The following PAFAH1B2 variants were observed in gnomAD, a reference collection of about 807,000 sequenced individuals.
PAFAH1B2 encodes the protein platelet activating factor acetylhydrolase 1b catalytic subunit 2, also known as platelet-activating factor acetylhydrolase IB subunit alpha2.
In PAFAH1B2, 8 loss-of-function variants were observed where a neutral mutation model predicts 28.0. That is an observed-to-expected ratio of 0.29 (90% CI 0.17 to 0.52). The LOEUF (loss-of-function observed/expected upper bound fraction) is 0.52. PAFAH1B2 is among the 20% of genes least tolerant of loss of function. PAFAH1B2 has a pLI of 0.97. For synonymous variants in PAFAH1B2, 104 were observed against 103.2 expected (o/e 1.01, Z -0.05); for missense variants, 190 against 282.6 (o/e 0.67, Z 2.35).
downstream of PAFAH1B2, chr11:117,171,761 C>T (rs1293814501): frequency 4.6e-6 from 7 of 1,532,050 alleles, no homozygotes; most frequent in African/African-American, 1.4e-5. Flanking sequence ...GTTGGTATGC[C>T]GGTATGATGT....
chr11:117,167,918 A>G lies in PAFAH1B2; in HGVS notation c.*219A>G. The G allele has an allele frequency of 4.3e-6, 5 of 1,173,108 alleles. No homozygotes were observed. Among genetic ancestry groups the G allele is most frequent in the Non-Finnish European group, 5.3e-6 (5 of 949,876 alleles). The allele number at this position is 1,173,108 out of a possible 1,614,324, so 72.7% of individuals were successfully genotyped here. The stretch of plus-strand genomic sequence containing the variant: ...TTAGCCAAGGAAGATTGTTGTTTAA[A>G]TTCATTTGAAACCAGAAGGGGACTT... On this transcript the variant is annotated 3_prime_UTR_variant, in exon 6 of 6. Transcript: ENST00000527958.
At chr11:117,171,532 G>C (rs766323177), downstream of PAFAH1B2, 1 of 570,684 alleles carries the variant, frequency 1.8e-6, no homozygotes, top group Non-Finnish European at 3.2e-6. Flanking sequence ...CGAGACTCTT[G>C]TCTCGGAAAA....
chr11:117,145,457 G>T (rs578025257), intron 1 of PAFAH1B2, among the ~76,000 whole-genome samples: 38 of 151,746 alleles, frequency 2.5e-4, no homozygotes, highest in Non-Finnish European at 5.1e-4. Context: ...CGGGGGTAAA[G>T]GTGTGGAGAA....
At chr11:117,144,468 G>A (rs1021801427) in intron 1 of PAFAH1B2, 50 bp downstream of exon 1, 6 of 272,556 alleles carry the variant, frequency 2.2e-5, no homozygotes, top group Non-Finnish European at 4.0e-5. Flanking sequence ...GGCGGGGGTC[G>A]GAAGGGGCTG....
chr11:117,175,418 C>A, downstream of PAFAH1B2: 1 of 1,068,598 alleles, frequency 9.4e-7, no homozygotes. Flanking sequence ...GTTCTGCAGA[C>A]CTGGGAACAG....
At chr11:117,154,970 G>A (rs1179145895) in intron 2 of PAFAH1B2, among the ~76,000 whole-genome samples, 2 of 152,034 alleles carry the variant, frequency 1.3e-5, no homozygotes, top group Non-Finnish European at 2.9e-5. Context: ...GATATTTTGC[G>A]TAATAAAAAG....
intron 5 of PAFAH1B2, among the ~76,000 whole-genome samples, chr11:117,166,101 C>CA (rs1485893805): frequency 6.6e-6 from 1 of 152,102 alleles, no homozygotes; most frequent in Non-Finnish European, 1.5e-5. Context: ...CCTCATCCTC[C>CA]CAAAGTGCTG....
Position 117,146,743 on chromosome 11 carries a change from G to T in PAFAH1B2, c.-8+2325G>T, listed in dbSNP as rs1956019092. Reference sequence around the variant, plus strand: ...CGGCTGGGTGCTGTGACTCATTCCTGTAATTCCAGCACTTTGGGAGGCCAA... The same window carrying T: ...CGGCTGGGTGCTGTGACTCATTCCTTTAATTCCAGCACTTTGGGAGGCCAA... On this transcript the variant is annotated intron_variant, in intron 1 of 5. Transcript: ENST00000527958. Among the ~76,000 whole-genome samples the T allele has an allele frequency of 2.0e-5, 3 of 151,116 alleles. No individual in the cohort carries two copies. The South Asian group carries it at 6.3e-4, about 32-fold the overall frequency.
intron 1 of PAFAH1B2, among the ~76,000 whole-genome samples, chr11:117,145,722 C>T (rs1016084084): frequency 5.9e-5 from 9 of 152,224 alleles, no homozygotes; most frequent in African/African-American, 1.9e-4. Flanking sequence ...ACCATACCCA[C>T]TCCCTCTGAA....
intron 2 of PAFAH1B2, among the ~76,000 whole-genome samples, chr11:117,153,454 T>C (rs1956197534): frequency 6.6e-6 from 1 of 152,118 alleles, no homozygotes. Flanking sequence ...CAATCTTGGC[T>C]CACTGCAGCC....
intron 5 of PAFAH1B2, 122 bp downstream of exon 5, chr11:117,164,014 C>G (rs533994320): frequency 2.2e-6 from 2 of 899,162 alleles, no homozygotes; most frequent in Admixed American, 4.3e-5. Context: ...ATCATACTTT[C>G]GTTGACCTCT....
chr11:117,161,229 A>C lies in PAFAH1B2; in HGVS notation c.256A>C (p.Lys86Gln), dbSNP rs778487841. ...DTTRHVLWRL[K>Q]NGELENIKPK... is the part of the protein sequence containing the mutation. ...AACAAGACATGTTTTGTGGAGACTAAAGAATGGAGAACTGGAGAATATTAA... is the reference window on the plus strand; with the variant it reads ...AACAAGACATGTTTTGTGGAGACTACAGAATGGAGAACTGGAGAATATTAA... The change falls in exon 4 of 6, where the codon AAG (lysine) becomes CAG (glutamine). Residue 86 changes from lysine to glutamine, a missense_variant. By Grantham distance (53) the Lys-to-Gln change is moderately conservative (BLOSUM62 1). Transcript: ENST00000527958. 2 of 1,583,742 alleles carry C rather than the reference A, an allele frequency of 1.3e-6. No homozygotes were observed. The highest frequency in any genetic ancestry group is 1.7e-6 in the Non-Finnish European group (2 of 1,169,122).
At chr11:117,161,098 C>T (rs759868106) in intron 3 of PAFAH1B2, 47 bp from the exon 4 acceptor site, 1 of 1,221,950 alleles carries the variant, frequency 8.2e-7, no homozygotes, top group East Asian at 2.4e-5. Context: ...AAAGATTAAA[C>T]TTTCCCCTAG....
Position 117,163,902 on chromosome 11 carries a change from C to T in PAFAH1B2, c.411+10C>T. On this transcript the variant is annotated intron_variant, in intron 5 of 5. Coordinates refer to ENST00000527958, the MANE Select transcript of PAFAH1B2 (RefSeq NM_002572.4). ...CAAAATCATTGTATTGGTATGTAGT[C>T]GTTGGTGGGTAGAGAGTTTGTTATC... The T allele has an allele frequency of 6.2e-7, 1 of 1,612,396 alleles. No homozygotes were observed. Among genetic ancestry groups the T allele is most frequent in the Non-Finnish European group, 8.5e-7 (1 of 1,179,152 alleles).
intron 1 of PAFAH1B2, among the ~76,000 whole-genome samples, chr11:117,149,691 CA>C (rs1956104345): frequency 6.6e-6 from 1 of 151,774 alleles, no homozygotes; most frequent in Non-Finnish European, 1.5e-5. Flanking sequence ...CTCGGCCTCC[CA>C]AAGTGCTGGG....
At position 117,144,524 on chromosome 11, in the gene PAFAH1B2, T is replaced by G. The variant is rs546948481; in HGVS notation, c.-8+106T>G. The G allele has an allele frequency of 8.1e-3, 1,430 of 176,298 alleles. 8 individuals carry two copies. The highest frequency in any genetic ancestry group is 0.012 in the Admixed American group (191 of 15,810). 10.9% of individuals were successfully genotyped at this position (176,298 alleles called of 1,614,324 possible). On this transcript the variant is annotated intron_variant, in intron 1 of 5. Transcript: ENST00000527958. ...CCCGCGACCTCCCCTCCCCCACCCT[T>G]GCGGCCCCTCCCCCCACGCCGCCCC... is the stretch of plus-strand genomic sequence containing the variant.
chr11:117,173,069 T>G (rs930155877), downstream of PAFAH1B2, among the ~76,000 whole-genome samples: 1 of 152,254 alleles, frequency 6.6e-6, no homozygotes, highest in African/African-American at 2.4e-5. Flanking sequence ...TGGCTCATTT[T>G]TATCGGTGAT....
At chr11:117,152,027 AAC>A (rs1338136785) in intron 1 of PAFAH1B2, among the ~76,000 whole-genome samples, 2 of 152,148 alleles carry the variant, frequency 1.3e-5, no homozygotes. Flanking sequence ...TGTAACTCTT[AAC>A]AGTAGTAAGT....
chr11:117,150,250 C>T (rs1048368109), intron 1 of PAFAH1B2, among the ~76,000 whole-genome samples: 8 of 152,216 alleles, frequency 5.3e-5, no homozygotes, highest in South Asian at 2.1e-4. Flanking sequence ...CAGGTTCCAG[C>T]GATTCTCCTG....
Sources: allele counts gnomAD v4.1 joint callset (sites outside exome capture counted in the v4.1 genomes callset), GRCh38; gene constraint gnomAD v4.1.1; transcripts MANE v1.5; gene names NCBI Gene and HGNC (gene_info 2026-07-23, HGNC 2026-07-21).